Variants in STON2 observed in about 807,000 individuals in gnomAD.
STON2 encodes the protein stonin 2.
In STON2, 29 loss-of-function variants were observed where a neutral mutation model predicts 65.7. The ratio of observed to expected loss-of-function variants is 0.44; its 90% CI spans 0.33 to 0.60. STON2 has a LOEUF of 0.60. Among genes scored for constraint, STON2 ranks in the 20% least tolerant of loss-of-function variants. STON2 has a pLI of 0.03. For synonymous variants in STON2, 404 were observed against 414.2 expected (o/e 0.98, Z 0.30); for missense variants, 1,054 against 1,118.1 (o/e 0.94, Z 0.82).
At chr14:81,328,604 C>T (rs1483832648) in intron 4 of STON2, among the ~76,000 whole-genome samples, 1 of 152,204 alleles carries the variant, frequency 6.6e-6, no homozygotes, top group East Asian at 1.9e-4. Flanking sequence ...ATGTCTGCTA[C>T]AGTTTGGATG....
chr14:81,261,927 G>C lies in STON2; in HGVS notation c.*6487C>G. On this transcript the variant is annotated 3_prime_UTR_variant, in exon 8 of 8. Coordinates refer to ENST00000614646, the MANE Select transcript of STON2 (RefSeq NM_001394390.1). ...AGGATTTGGAAGGTTGTCTGTTTCT[G>C]TTGTCTGGGGAAATGATAAAAAAAA... The C allele has an allele frequency of 7.1e-7, 1 of 1,413,678 alleles. No homozygotes were observed. The allele number at this position is 1,413,678 out of a possible 1,614,324, so 87.6% of individuals were successfully genotyped here. A position where few individuals can be genotyped will look rare whatever the true frequency, so the allele number is the denominator to read the frequency against.
chr14:81,425,367 G>A (rs1010526007), intron 2 of STON2, among the ~76,000 whole-genome samples: 3 of 152,142 alleles, frequency 2.0e-5, no homozygotes, highest in Non-Finnish European at 2.9e-5. Context: ...GAGGTCAGGA[G>A]TTCGAGACCA....
At chr14:81,407,523 A>G (rs757484183) in intron 2 of STON2, among the ~76,000 whole-genome samples, 16 of 152,196 alleles carry the variant, frequency 1.1e-4, no homozygotes, top group Non-Finnish European at 1.9e-4. Flanking sequence ...CCTCTTTTTC[A>G]TAGGTATTAA....
Position 81,279,504 on chromosome 14 carries a change from C to T in STON2, c.743-765G>A, listed in dbSNP as rs116807172. ...AGGAATTCGGCACCAGCCTGGCCAA[C>T]GTGGTGAAACCCAATGTCTACTAAA... On this transcript the variant is annotated intron_variant, in intron 5 of 7. Coordinates refer to ENST00000614646, the MANE Select transcript of STON2 (RefSeq NM_001394390.1). Among the ~76,000 whole-genome samples, 293 of 152,172 alleles carry T rather than the reference C, an allele frequency of 1.9e-3. 3 individuals are homozygous for T. Among genetic ancestry groups the T allele is most frequent in the African/African-American group, 6.7e-3 (277 of 41,542 alleles).
At chr14:81,287,276 C>G (rs1427487079) in intron 5 of STON2, among the ~76,000 whole-genome samples, 1 of 152,140 alleles carries the variant, frequency 6.6e-6, no homozygotes, top group African/African-American at 2.4e-5. Context: ...TTAGTCATTA[C>G]AAATGATACG....
chr14:81,358,273 G>A (rs746465504), intron 4 of STON2, among the ~76,000 whole-genome samples: 1 of 152,080 alleles, frequency 6.6e-6, no homozygotes, highest in Non-Finnish European at 1.5e-5. Flanking sequence ...CATAAGGTGT[G>A]GGGGGAGGGA....
Position 81,350,634 on chromosome 14 carries a change from TCTTAC to T in STON2, c.571+20349_571+20353del, listed in dbSNP as rs899051459. ...TCCTAATACTTCTAGGCCTTGGCTT[TCTTAC>T]CCGTAAAATGTGGAAATTCGACTAA... On this transcript the variant is annotated intron_variant, in intron 4 of 7. Transcript: ENST00000614646. 5.9e-4 allele frequency among the ~76,000 whole-genome samples: 90 copies of T among 152,284 alleles called. 3 individuals are homozygous for T. Among genetic ancestry groups the T allele is most frequent in the Non-Finnish European group, 1.8e-4 (12 of 68,006 alleles).
intron 5 of STON2, 144 bp from the exon 6 acceptor site, chr14:81,278,883 A>G: frequency 8.3e-6 from 5 of 604,802 alleles, no homozygotes; most frequent in Non-Finnish European, 8.0e-6. Context: ...TCAAGTGCTT[A>G]GTCTGGGCAT....
At chr14:81,366,763 G>A (rs1898751496) in intron 4 of STON2, among the ~76,000 whole-genome samples, 1 of 152,092 alleles carries the variant, frequency 6.6e-6, no homozygotes, top group African/African-American at 2.4e-5. Context: ...GGGGGTAACA[G>A]AGGAGTCGAC....
At chr14:81,376,078 A>G (rs945190542) in intron 3 of STON2, among the ~76,000 whole-genome samples, 11 of 151,962 alleles carry the variant, frequency 7.2e-5, no homozygotes, top group African/African-American at 2.7e-4. Context: ...CAGTATTGTC[A>G]GCTTATATTA....
Position 81,264,524 on chromosome 14 carries a change from G to C in STON2, c.*3890C>G. The C allele has an allele frequency of 1.3e-5, 13 of 985,036 alleles. No homozygotes were observed. The highest frequency in any genetic ancestry group is 1.6e-5 in the Non-Finnish European group (13 of 829,644). The allele number at this position is 985,036 out of a possible 1,614,324, so 61.0% of individuals were successfully genotyped here. A position where few individuals can be genotyped will look rare whatever the true frequency, so the allele number is the denominator to read the frequency against. On this transcript the variant is annotated 3_prime_UTR_variant, in exon 8 of 8. Coordinates refer to ENST00000614646, the MANE Select transcript of STON2 (RefSeq NM_001394390.1). The stretch of plus-strand genomic sequence containing the variant: ...TATTATATTCCAAGCTTTGTGCTAG[G>C]TGTTGGAAACACAAAAAATTATATA...
Position 81,423,869 on chromosome 14 carries a change from G to C in STON2, c.-199+3233C>G, listed in dbSNP as rs1901835949. 2.6e-5 allele frequency among the ~76,000 whole-genome samples: 4 copies of C among 152,220 alleles called. No individual in the cohort carries two copies. In the South Asian group the frequency reaches 8.3e-4, roughly 32 times the overall value. ...TCCAACTGCCAGGGACAGCCACAAGGAACCAGGACACACTGGGTGGGCTTG... is the reference window on the plus strand; with the variant it reads ...TCCAACTGCCAGGGACAGCCACAAGCAACCAGGACACACTGGGTGGGCTTG... On this transcript the variant is annotated intron_variant, in intron 2 of 8. Coordinates refer to the STON2 transcript ENST00000553821.
At chr14:81,361,625 A>G (rs1898497488) in intron 4 of STON2, among the ~76,000 whole-genome samples, 1 of 152,146 alleles carries the variant, frequency 6.6e-6, no homozygotes, top group Admixed American at 6.6e-5. Flanking sequence ...AGGCACAGGA[A>G]ACGAAATAAA....
At chr14:81,389,188 G>C (rs563991647) in intron 3 of STON2, among the ~76,000 whole-genome samples, 3 of 152,232 alleles carry the variant, frequency 2.0e-5, no homozygotes, top group Non-Finnish European at 4.4e-5. Flanking sequence ...ATATAGGAAA[G>C]AGTCAGTTTG....
chr14:81,376,522 T>C (rs1399998268), intron 3 of STON2, among the ~76,000 whole-genome samples: 1 of 152,106 alleles, frequency 6.6e-6, no homozygotes, highest in Admixed American at 6.6e-5. Context: ...GTGCTTTTAC[T>C]GAAAAGTTCT....
chr14:81,284,871 G>T (rs184226853), intron 5 of STON2, among the ~76,000 whole-genome samples: 1 of 152,260 alleles, frequency 6.6e-6, no homozygotes, highest in Admixed American at 6.5e-5. Flanking sequence ...GCACCCTTAA[G>T]AATTATGCAA....
chr14:81,407,521 T>C (rs1444963205), intron 2 of STON2, among the ~76,000 whole-genome samples: 1 of 152,232 alleles, frequency 6.6e-6, no homozygotes. Context: ...TACCTCTTTT[T>C]CATAGGTATT....
chr14:81,346,148 T>G (rs1897802073), intron 4 of STON2, among the ~76,000 whole-genome samples: 1 of 152,196 alleles, frequency 6.6e-6, no homozygotes. Flanking sequence ...ATTCTCTCCT[T>G]TGAAGCAAAT....
At chr14:81,345,901 A>G (rs1453788252) in intron 4 of STON2, among the ~76,000 whole-genome samples, 2 of 152,186 alleles carry the variant, frequency 1.3e-5, no homozygotes, top group Non-Finnish European at 2.9e-5. Context: ...AAGTCCAATG[A>G]GCATCCTTGG....
Sources: gnomAD v4.1 joint callset for allele counts (sites outside exome capture counted in the v4.1 genomes callset) on GRCh38, gnomAD v4.1.1 for gene constraint, MANE v1.5 for transcripts, NCBI Gene and HGNC (gene_info 2026-07-23, HGNC 2026-07-21) for gene names.